The following CCDC85A variants were observed in gnomAD, a reference collection of about 807,000 sequenced individuals.
CCDC85A encodes the protein coiled-coil domain containing 85A.
CCDC85A carries 38 observed loss-of-function variants against 50.2 expected under a neutral mutation model. That is an observed-to-expected ratio of 0.76 (90% CI 0.58 to 0.99). The LOEUF (loss-of-function observed/expected upper bound fraction) is 0.99. Ranked by LOEUF, CCDC85A falls within the 50% of genes least tolerant of loss-of-function variation. CCDC85A has a pLI of 0.00. For synonymous variants in CCDC85A, 366 were observed against 301.4 expected (o/e 1.21, Z -2.22); for missense variants, 820 against 742.0 (o/e 1.11, Z -1.22).
intron 2 of CCDC85A, among the ~76,000 whole-genome samples, chr2:56,227,972 T>C (rs1668612543): frequency 1.3e-5 from 2 of 152,242 alleles, no homozygotes; most frequent in African/African-American, 2.4e-5. Flanking sequence ...CTGTGACTTA[T>C]AAGACAGATC....
chr2:56,342,954 A>G lies in CCDC85A; in HGVS notation c.1316A>G (p.Gln439Arg), dbSNP rs779486596. The G allele has an allele frequency of 2.5e-6, 4 of 1,588,156 alleles. No individual in the cohort carries two copies. The highest frequency in any genetic ancestry group is 3.4e-6 in the Non-Finnish European group (4 of 1,165,852). ...QLEEENRMLP[Q>R]ASQNRRQPPT... ...GAGGAAGAAAATCGCATGCTGCCCC[A>G]GGTGGGTGACTTCCAGAAGCTCATA... The change falls in exon 3 of 6, where the codon CAG becomes CGG. Residue 439 changes from glutamine (Q) to arginine (R), a missense_variant and splice_region_variant. By Grantham distance (43) the Gln-to-Arg change is conservative. Transcript: ENST00000407595.
At chr2:56,263,187 C>G (rs1485715034) in intron 2 of CCDC85A, among the ~76,000 whole-genome samples, 1 of 152,106 alleles carries the variant, frequency 6.6e-6, no homozygotes, top group African/African-American at 2.4e-5. Flanking sequence ...TGAAAAGAGC[C>G]CAGCACCCTT....
At chr2:56,275,652 T>A (rs1231996736) in intron 2 of CCDC85A, among the ~76,000 whole-genome samples, 1 of 152,180 alleles carries the variant, frequency 6.6e-6, no homozygotes, top group East Asian at 1.9e-4. Context: ...CAGGGACCCA[T>A]GTAATGTTCT....
At chr2:56,210,486 A>G (rs534242328) in intron 2 of CCDC85A, among the ~76,000 whole-genome samples, 10 of 152,106 alleles carry the variant, frequency 6.6e-5, no homozygotes, top group African/African-American at 2.2e-4. Context: ...TTATGTTCAT[A>G]GATTAGGTGG....
intron 3 of CCDC85A, among the ~76,000 whole-genome samples, chr2:56,355,353 T>A (rs76514284): frequency 6.6e-6 from 1 of 151,732 alleles, no homozygotes; most frequent in Non-Finnish European, 1.5e-5. Context: ...CTGTTCAGAA[T>A]TTTTTTTTCC....
chr2:56,274,170 C>T (rs1670822370), intron 2 of CCDC85A, among the ~76,000 whole-genome samples: 1 of 152,090 alleles, frequency 6.6e-6, no homozygotes, highest in Non-Finnish European at 1.5e-5. Flanking sequence ...TACCCCTGCC[C>T]CTACCATTGG....
intron 2 of CCDC85A, among the ~76,000 whole-genome samples, chr2:56,260,628 A>G (rs1246425883): frequency 6.6e-6 from 1 of 152,180 alleles, no homozygotes; most frequent in Non-Finnish European, 1.5e-5. Flanking sequence ...TACATTCATG[A>G]CCTTCACTAG....
At chr2:56,223,090 A>G (rs1362602640) in intron 2 of CCDC85A, among the ~76,000 whole-genome samples, 2 of 152,188 alleles carry the variant, frequency 1.3e-5, no homozygotes, top group African/African-American at 2.4e-5. Flanking sequence ...AGTAGTCCAC[A>G]AAGGGAATTT....
chr2:56,360,958 A>C lies in CCDC85A; in HGVS notation c.1318-11386A>C, dbSNP rs536649471. On this transcript the variant is annotated intron_variant, in intron 3 of 5. Transcript: ENST00000407595. ...TTAGCACAAGCAAAACATCCCTTAA[A>C]AATAGGGAGTAGAGGCCAGGCGTGG... 1.2e-4 allele frequency among the ~76,000 whole-genome samples: 18 copies of C among 152,336 alleles called. 1 individual carries two copies. In the Middle Eastern group the frequency reaches 0.014, roughly 115 times the overall value.
At chr2:56,336,645 G>A (rs528160915) in intron 2 of CCDC85A, among the ~76,000 whole-genome samples, 1 of 152,332 alleles carries the variant, frequency 6.6e-6, no homozygotes, top group South Asian at 2.1e-4. Context: ...AGTGTAATTT[G>A]TGGGTGATTT....
intron 3 of CCDC85A, among the ~76,000 whole-genome samples, chr2:56,362,627 G>A (rs1297513887): frequency 6.6e-6 from 1 of 151,058 alleles, no homozygotes; most frequent in African/African-American, 2.4e-5. Context: ...ATGAAGTCTC[G>A]CTCTGTTGCC....
intron 2 of CCDC85A, among the ~76,000 whole-genome samples, chr2:56,261,913 T>C (rs1014942351): frequency 1.8e-4 from 28 of 152,318 alleles, no homozygotes; most frequent in African/African-American, 6.5e-4. Flanking sequence ...AGCCAGGTTC[T>C]GGCCCCTCTT....
intron 2 of CCDC85A, among the ~76,000 whole-genome samples, chr2:56,283,214 A>G (rs1271925860): frequency 6.6e-6 from 1 of 152,166 alleles, no homozygotes; most frequent in Non-Finnish European, 1.5e-5. Flanking sequence ...TCATCTACTG[A>G]TCTTAGAGGA....
chr2:56,207,825 T>A (rs2103869187), intron 2 of CCDC85A, among the ~76,000 whole-genome samples: 1 of 152,308 alleles, frequency 6.6e-6, no homozygotes, highest in African/African-American at 2.4e-5. Flanking sequence ...GCTGATAATA[T>A]TGAATGATCA....
At chr2:56,373,063 G>C (rs1490086864) in intron 4 of CCDC85A, among the ~76,000 whole-genome samples, 1 of 152,154 alleles carries the variant, frequency 6.6e-6, no homozygotes, top group Non-Finnish European at 1.5e-5. Flanking sequence ...TAAGCGCATA[G>C]AAAACTAACC....
At chr2:56,322,546 C>G (rs1230446428) in intron 2 of CCDC85A, among the ~76,000 whole-genome samples, 2 of 152,116 alleles carry the variant, frequency 1.3e-5, no homozygotes. Context: ...TGAAAAAATG[C>G]TCATCATCAC....
intron 2 of CCDC85A, among the ~76,000 whole-genome samples, chr2:56,297,563 A>C (rs1672011948): frequency 6.6e-6 from 1 of 152,166 alleles, no homozygotes; most frequent in Non-Finnish European, 1.5e-5. Context: ...CTGTATTTCA[A>C]GTGGAATCAC....
At chr2:56,280,050 G>A (rs759874925) in intron 2 of CCDC85A, among the ~76,000 whole-genome samples, 6 of 152,136 alleles carry the variant, frequency 3.9e-5, no homozygotes, top group Admixed American at 3.3e-4. Context: ...AAAATTCCTC[G>A]TGAACTACAT....
chr2:56,226,441 T>C (rs1221996559), intron 2 of CCDC85A, among the ~76,000 whole-genome samples: 1 of 152,176 alleles, frequency 6.6e-6, no homozygotes, highest in East Asian at 1.9e-4. Flanking sequence ...TGAAAGCACT[T>C]ACCACAATGT....
Sources: gnomAD v4.1 joint callset for allele counts (sites outside exome capture counted in the v4.1 genomes callset) on GRCh38, gnomAD v4.1.1 for gene constraint, MANE v1.5 for transcripts, NCBI Gene and HGNC (gene_info 2026-07-23, HGNC 2026-07-21) for gene names.